Variants in CELSR2 observed in about 807,000 individuals in gnomAD.
The protein encoded by CELSR2 is EGF-like protein 2.
CELSR2 carries 81 observed loss-of-function variants against 251.6 expected under a neutral mutation model. That is an observed-to-expected ratio of 0.32 (90% CI 0.27 to 0.39). The LOEUF is 0.39. Ranked by LOEUF, CELSR2 falls within the 10% of genes least tolerant of loss-of-function variation. CELSR2 has a pLI of 1.00. For missense variants in CELSR2, 3,365 were observed against 3,947.7 expected, an observed-to-expected ratio of 0.85 and a Z score of 3.96; for synonymous variants, 1,721 against 1,670.5, an observed-to-expected ratio of 1.03 and a Z score of -0.74.
Position 109,264,523 on chromosome 1 carries a change from G to A in CELSR2, c.5359G>A (p.Val1787Met), listed in dbSNP as rs368956345. The A allele has an allele frequency of 7.4e-6, 12 of 1,614,084 alleles. No homozygotes were observed. The highest frequency in any genetic ancestry group is 6.7e-5 in the Admixed American group (4 of 60,012). Residue 1787 changes from valine to methionine, a missense_variant, in exon 11 of 34, where the codon GTG becomes ATG. Val to Met is a conservative substitution (Grantham distance 21). Around this residue, in one of 5 missense-constraint regions of CELSR2, gnomAD observed 2,093 missense variants for 2,382.8 expected, o/e 0.88. Coordinates refer to ENST00000271332, the MANE Select transcript of CELSR2 (RefSeq NM_001408.3). Reference protein sequence around the residue: ...LDPSHGESINVEQGCSLPDPC... With the variant: ...LDPSHGESINMEQGCSLPDPC... ...TCCCAGCCATGGGGAGAGCATCAAC[G>A]TGGAGCAAGGCTGTAGCCTGCCTGA...
chr1:109,267,547 G>A lies in CELSR2; in HGVS notation c.6014-1G>A. On this transcript the variant is annotated splice_acceptor_variant, in intron 15 of 33. Transcript: ENST00000271332. LOFTEE classifies it high-confidence loss of function. Reference sequence around the variant, plus strand: ...CGGCCCTTTTGGCTTCCTTCCCCCAGGGACTGCTGTGCGCCACTGTGATGA... The same window carrying A: ...CGGCCCTTTTGGCTTCCTTCCCCCAAGGACTGCTGTGCGCCACTGTGATGA... The A allele has an allele frequency of 6.2e-7, 1 of 1,613,586 alleles. No individual in the cohort carries two copies. The highest frequency in any genetic ancestry group is 2.2e-5 in the East Asian group (1 of 44,880).
chr1:109,272,494 C>A, intron 29 of CELSR2, 89 bp downstream of exon 29: 1 of 1,536,158 alleles, frequency 6.5e-7, no homozygotes, highest in South Asian at 1.2e-5. Flanking sequence ...AGTTGAGGAG[C>A]ACACACTGTG....
intron 7 of CELSR2, 50 bp downstream of exon 7, chr1:109,263,019 G>A: frequency 1.3e-6 from 2 of 1,599,918 alleles, no homozygotes; most frequent in Non-Finnish European, 1.7e-6. Flanking sequence ...GCTGAGAGGA[G>A]GGGCTGTGCC....
intron 15 of CELSR2, 49 bp from the exon 16 acceptor site, chr1:109,267,499 C>G: frequency 1.3e-6 from 2 of 1,560,608 alleles, no homozygotes; most frequent in Non-Finnish European, 1.8e-6. Context: ...GTCTCAGGGG[C>G]TTCCTGTGTG....
intron 25 of CELSR2, 70 bp from the exon 26 acceptor site, chr1:109,271,147 C>CG: frequency 6.4e-7 from 1 of 1,552,464 alleles, no homozygotes; most frequent in Non-Finnish European, 8.9e-7. Context: ...GCTGAGGCCA[C>CG]GGGGCCCTGT....
In CELSR2 at chr1:109,249,866, C is replaced by T. The variant is rs1036458524; in HGVS notation, c.-214C>T. Among the ~76,000 whole-genome samples, 3 of 150,128 alleles carry T rather than the reference C, an allele frequency of 2.0e-5. No homozygotes were observed. Among genetic ancestry groups the T allele is most frequent in the Non-Finnish European group, 4.5e-5 (3 of 67,210 alleles). ...CGCGGTGCTCAGGGTGACCCGGGAGCGGGTCTGGCTCAGGGGGCAGTGGGA... is the reference window on the plus strand; with the variant it reads ...CGCGGTGCTCAGGGTGACCCGGGAGTGGGTCTGGCTCAGGGGGCAGTGGGA... On this transcript the variant is annotated 5_prime_UTR_variant, in exon 1 of 34. Transcript: ENST00000271332.
Position 109,271,201 on chromosome 1 carries a change from C to G in CELSR2, c.7597-16C>G, listed in dbSNP as rs1271093276. ...TTGTCCCCACTGAGCACCCCATGCCCTCTGCCCCTGCCTAGATGAGTGTCT... is the reference window on the plus strand; with the variant it reads ...TTGTCCCCACTGAGCACCCCATGCCGTCTGCCCCTGCCTAGATGAGTGTCT... On this transcript the variant is annotated splice_polypyrimidine_tract_variant and intron_variant, in intron 25 of 33. Transcript: ENST00000271332. 6.2e-7 allele frequency: 1 copy of G among 1,613,102 alleles called. No homozygotes were observed.
In CELSR2 at chr1:109,263,174, A is replaced by G; in HGVS notation, c.4741A>G (p.Asn1581Asp). ...CPAKKNVCDSNTCHNGGTCVN... is the reference protein window; with the variant it reads ...CPAKKNVCDSDTCHNGGTCVN... The stretch of plus-strand genomic sequence containing the variant: ...TGCCAAGAAGAACGTGTGTGACAGC[A>G]ACACTTGCCACAATGGGGGCACTTG... The change falls in exon 8 of 34, where the codon AAC (asparagine) becomes GAC (aspartate). Residue 1581 changes from asparagine to aspartate, a missense_variant. Transcript: ENST00000271332. 6.2e-7 allele frequency: 1 copy of G among 1,601,092 alleles called. No homozygotes were observed. Among genetic ancestry groups the G allele is most frequent in the Non-Finnish European group, 8.6e-7 (1 of 1,169,406 alleles).
rs754789535 is a variant in CELSR2, at chr1:109,262,391, T to C, written c.4491T>C (p.Ser1497=). The part of the protein sequence containing the change: ...CDTGVALRFG[S]VLGNYSCAAQ... ...CAGGAGTGGCCTTGCGCTTCGGATC[T>C]GTCCTGGGCAACTACTCCTGTGCTG... The change falls in exon 6 of 34, where the codon TCT becomes TCC. Residue 1497 remains serine (S), a synonymous_variant. Transcript: ENST00000271332. The C allele has an allele frequency of 6.2e-7, 1 of 1,614,180 alleles. No individual in the cohort carries two copies. The highest frequency in any genetic ancestry group is 1.1e-5 in the South Asian group (1 of 91,086).
rs375909210 is a variant in CELSR2, at chr1:109,252,808, C to T, written c.2729C>T (p.Thr910Ile). The T allele has an allele frequency of 6.2e-7, 1 of 1,614,018 alleles. No individual in the cohort carries two copies. Among genetic ancestry groups the T allele is most frequent in the Non-Finnish European group, 8.5e-7 (1 of 1,180,040 alleles). Residue 910 changes from threonine (T) to isoleucine (I), a missense_variant, in exon 1 of 34, where the codon ACT (threonine) becomes ATT (isoleucine). Coordinates refer to ENST00000271332, the MANE Select transcript of CELSR2 (RefSeq NM_001408.3). The surrounding 1 kb of genome is among the most constrained non-coding windows in gnomAD (Gnocchi z 4.8). ...PARTPMEVTV[T>I]VLDVNDNPPV... ...CGCACACCTATGGAAGTGACAGTCA[C>T]TGTGTTGGATGTGAATGACAATCCC...
In CELSR2 at chr1:109,252,860, T is replaced by C; in HGVS notation, c.2781T>C (p.Asp927=). 1.2e-6 allele frequency: 2 copies of C among 1,613,610 alleles called. No individual in the cohort carries two copies. Among genetic ancestry groups the C allele is most frequent in the East Asian group, 4.5e-5 (2 of 44,866 alleles). The change falls in exon 1 of 34, where the codon GAT becomes GAC. Residue 927 remains aspartate, a synonymous_variant. Transcript: ENST00000271332. The surrounding 1 kb of genome is among the most constrained non-coding windows in gnomAD (Gnocchi z 4.8). ...NPPVFEQDEF[D]VFVEENSPIG... ...CTGTCTTTGAGCAGGATGAGTTTGA[T>C]GTGTTTGTGGAAGAGAACAGCCCCA...
At chr1:109,262,538 C>T (rs1342918124) in intron 6 of CELSR2, 94 bp downstream of exon 6, 1 of 1,512,876 alleles carries the variant, frequency 6.6e-7, no homozygotes, top group Non-Finnish European at 8.9e-7. Context: ...GGTCTCTCTC[C>T]CTTTGCCTCT....
rs41279704 is a variant in CELSR2 at position 109,251,501 on chromosome 1, G to C, written c.1422G>C (p.Val474=). Residue 474 remains valine (V), a synonymous_variant, in exon 1 of 34, where the codon GTG becomes GTC. Coordinates refer to ENST00000271332, the MANE Select transcript of CELSR2 (RefSeq NM_001408.3). This position sits in a 1 kb window ranked among gnomAD's most constrained non-coding sequence, Gnocchi z 4.9. ...CGACCAAGGAGTACACCCTACGGGT[G>C]CGAGCACAGGATGGTGGCCGTCCCC... ...YETTKEYTLR[V]RAQDGGRPPL... 0.015 allele frequency: 24,085 copies of C among 1,613,750 alleles called. 225 individuals are homozygous for C. The highest frequency in any genetic ancestry group is 0.017 in the Non-Finnish European group (19,993 of 1,180,024).
chr1:109,271,821 C>A, intron 28 of CELSR2, 99 bp downstream of exon 28: 1 of 1,429,132 alleles, frequency 7.0e-7, no homozygotes, highest in South Asian at 1.3e-5. Flanking sequence ...TCTCTTTTCT[C>A]CATCCCTTCC....
chr1:109,267,537 C>T lies in CELSR2; in HGVS notation c.6014-11C>T, dbSNP rs773860066. The stretch of plus-strand genomic sequence containing the variant: ...TCCCTGAGGCCGGCCCTTTTGGCTT[C>T]CTTCCCCCAGGGACTGCTGTGCGCC... On this transcript the variant is annotated splice_polypyrimidine_tract_variant and intron_variant, in intron 15 of 33. Coordinates refer to ENST00000271332, the MANE Select transcript of CELSR2 (RefSeq NM_001408.3). The T allele has an allele frequency of 6.2e-7, 1 of 1,612,258 alleles. No individual in the cohort carries two copies. The highest frequency in any genetic ancestry group is 8.5e-7 in the Non-Finnish European group (1 of 1,179,118).
At chr1:109,259,174 T>G in intron 2 of CELSR2, 95 bp downstream of exon 2, 1 of 1,098,758 alleles carries the variant, frequency 9.1e-7, no homozygotes, top group Non-Finnish European at 1.3e-6. Context: ...TGCCTCATTC[T>G]CTTCCCGAGT....
At position 109,268,631 on chromosome 1, in the gene CELSR2, C is replaced by T; in HGVS notation, c.6369C>T (p.His2123=). The part of the protein sequence containing the change: ...SALLDTANKR[H]WELIQQTEGG... ...TCCTGGACACAGCCAACAAGCGGCA[C>T]TGGGAGCTGATCCAGCAGACAGAGG... Residue 2123 remains histidine, a synonymous_variant, in exon 18 of 34, where the codon CAC becomes CAT. Transcript: ENST00000271332. The T allele has an allele frequency of 6.2e-7, 1 of 1,613,912 alleles. No individual in the cohort carries two copies. Among genetic ancestry groups the T allele is most frequent in the Non-Finnish European group, 8.5e-7 (1 of 1,179,962 alleles).
At position 109,258,791 on chromosome 1, in the gene CELSR2, G is replaced by A. The variant is rs1157316793; in HGVS notation, c.3670G>A (p.Val1224Met). The A allele has an allele frequency of 3.1e-6, 5 of 1,608,378 alleles. No individual in the cohort carries two copies. Among genetic ancestry groups the A allele is most frequent in the African/African-American group, 1.3e-5 (1 of 74,840 alleles). ...GCTGACGGCCATCTCGGCACAGCGC[G>A]TGCTGCCCTTCGACGACAACATCTG... ...SLLTAISAQR[V>M]LPFDDNICLR... The change falls in exon 2 of 34, where the codon GTG becomes ATG. Residue 1224 changes from valine to methionine, a missense_variant. Val to Met is a conservative substitution (Grantham distance 21). Transcript: ENST00000271332.
In CELSR2 at chr1:109,249,683, G is replaced by C. The variant is rs1378772332; in HGVS notation, c.-397G>C. Among the ~76,000 whole-genome samples the C allele has an allele frequency of 1.4e-5, 2 of 147,546 alleles. No homozygotes were observed. Among genetic ancestry groups the C allele is most frequent in the African/African-American group, 4.9e-5 (2 of 41,064 alleles). On this transcript the variant is annotated 5_prime_UTR_variant, in exon 1 of 34. Transcript: ENST00000271332. ...GGGCCGCCGGGGCCGGGCCGGGGTC[G>C]GGGCGCACGGCTACGCGGGCGCAGG...
Sources: gnomAD v4.1 joint callset for allele counts (sites outside exome capture counted in the v4.1 genomes callset) on GRCh38, gnomAD v4.1.1 for gene constraint, gnomAD v4.1.1 regional missense constraint, Gnocchi (gnomAD v3.1) non-coding constraint, MANE v1.5 for transcripts, NCBI Gene and HGNC (gene_info 2026-07-23, HGNC 2026-07-21) for gene names.